The following CACNB2 variants were observed in gnomAD, a reference collection of about 807,000 sequenced individuals.
The protein encoded by CACNB2 is calcium voltage-gated channel auxiliary subunit beta 2.
Under a neutral mutation model 73.3 loss-of-function variants are expected in CACNB2, and 42 were observed. That is an observed-to-expected ratio of 0.57 (90% CI 0.45 to 0.74). The LOEUF is 0.74. Ranked by LOEUF, CACNB2 falls within the 30% of genes least tolerant of loss-of-function variation. The pLI, the probability that CACNB2 is intolerant of heterozygous loss-of-function variation, is 0.00. For synonymous variants in CACNB2, 348 were observed against 310.3 expected (o/e 1.12, Z -1.28); for missense variants, 940 against 853.0 (o/e 1.10, Z -1.27).
At chr10:18,454,711 C>G (rs549900075) in intron 3 of CACNB2, among the ~76,000 whole-genome samples, 44 of 152,300 alleles carry the variant, frequency 2.9e-4, no homozygotes, top group African/African-American at 8.9e-4. Context: ...AATTTTCTTT[C>G]CAATGGAGGA....
chr10:18,499,076 A>G (rs1350218078), intron 4 of CACNB2, among the ~76,000 whole-genome samples: 3 of 152,076 alleles, frequency 2.0e-5, no homozygotes, highest in Non-Finnish European at 4.4e-5. Flanking sequence ...TTTCATCCTT[A>G]ATTAAGGTTT....
chr10:18,207,852 T>G (rs1564344013), intron 2 of CACNB2, among the ~76,000 whole-genome samples: 1 of 152,146 alleles, frequency 6.6e-6, no homozygotes. Context: ...ATTTAAAAAA[T>G]AGTTTACAAA....
chr10:18,234,137 T>C (rs985279786), intron 2 of CACNB2: 3 of 152,298 alleles, frequency 2.0e-5, no homozygotes, highest in African/African-American at 7.2e-5. Context: ...GTTCTCTCAC[T>C]AGGGGAGACA....
At chr10:18,245,733 C>T (rs1030984872) in intron 2 of CACNB2, among the ~76,000 whole-genome samples, 1 of 152,030 alleles carries the variant, frequency 6.6e-6, no homozygotes, top group African/African-American at 2.4e-5. Flanking sequence ...ACGAGAAGGT[C>T]AGCAGTCACT....
chr10:18,310,742 G>T (rs2039934256), intron 2 of CACNB2, among the ~76,000 whole-genome samples: 1 of 151,198 alleles, frequency 6.6e-6, no homozygotes, highest in African/African-American at 2.4e-5. Flanking sequence ...ACCATGCCTG[G>T]CTAATTTTTT....
At chr10:18,483,817 C>G (rs187992243) in intron 3 of CACNB2, among the ~76,000 whole-genome samples, 1 of 152,082 alleles carries the variant, frequency 6.6e-6, no homozygotes, top group Non-Finnish European at 1.5e-5. Flanking sequence ...TAAATAAGTA[C>G]AGAATAGACA....
At chr10:18,192,115 C>T (rs16916944) in intron 2 of CACNB2, among the ~76,000 whole-genome samples, 18,178 of 151,554 alleles carry the variant, frequency 0.12, 1,151 homozygotes, top group South Asian at 0.14. Flanking sequence ...CCTCTGATCT[C>T]CAGCAAATGC....
intron 2 of CACNB2, among the ~76,000 whole-genome samples, chr10:18,185,626 T>C (rs773968385): frequency 3.3e-5 from 5 of 152,190 alleles, no homozygotes; most frequent in Non-Finnish European, 5.9e-5. Context: ...AGCTTGCATT[T>C]GGAAAACAGA....
intron 2 of CACNB2, among the ~76,000 whole-genome samples, chr10:18,308,820 A>G (rs1035342755): frequency 1.3e-5 from 2 of 152,322 alleles, no homozygotes; most frequent in Non-Finnish European, 2.9e-5. Flanking sequence ...TGACTTGACA[A>G]CTTTTTTGGG....
In CACNB2 at chr10:18,509,145, C is replaced by T. The variant is rs911820680; in HGVS notation, c.670+2598C>T. Among the ~76,000 whole-genome samples, 7 of 152,236 alleles carry T rather than the reference C, an allele frequency of 4.6e-5. No individual in the cohort carries two copies. In the East Asian group the frequency reaches 9.6e-4, roughly 21 times the overall value. On this transcript the variant is annotated intron_variant, in intron 6 of 13. Transcript: ENST00000324631. ...TGAGACAATTTTTATATCAATAGCT[C>T]AACTGATTTAAAGGAAAACTTCAGA...
At chr10:18,413,652 G>T (rs563744922) in intron 3 of CACNB2, among the ~76,000 whole-genome samples, 1 of 152,168 alleles carries the variant, frequency 6.6e-6, no homozygotes, top group African/African-American at 2.4e-5. Flanking sequence ...CAGGGGCAGG[G>T]GTCATGCATT....
intron 6 of CACNB2, among the ~76,000 whole-genome samples, chr10:18,512,931 C>T (rs1047951563): frequency 1.3e-5 from 2 of 152,226 alleles, no homozygotes; most frequent in South Asian, 2.1e-4. Context: ...GGCGTTGTCA[C>T]GGAGAAGAAC....
intron 2 of CACNB2, among the ~76,000 whole-genome samples, chr10:18,324,114 T>A (rs1564436416): frequency 6.6e-6 from 1 of 152,224 alleles, no homozygotes; most frequent in African/African-American, 2.4e-5. Flanking sequence ...ATTTAAAAAA[T>A]CATTCATTCA....
chr10:18,150,810 T>A, intron 1 of CACNB2, 73 bp from the exon 2 acceptor site: 1 of 953,450 alleles, frequency 1.0e-6, no homozygotes, highest in Non-Finnish European at 1.6e-6. Context: ...TTTCTGCAAC[T>A]AGGCCTACAT....
intron 7 of CACNB2, among the ~76,000 whole-genome samples, chr10:18,517,398 C>G (rs1341900860): frequency 6.6e-6 from 1 of 152,072 alleles, no homozygotes; most frequent in Non-Finnish European, 1.5e-5. Context: ...GTTATTTTAC[C>G]ATTTTATTTG....
chr10:18,496,416 C>G (rs549830054), intron 3 of CACNB2, among the ~76,000 whole-genome samples: 1 of 152,316 alleles, frequency 6.6e-6, no homozygotes, highest in South Asian at 2.1e-4. Flanking sequence ...TGGGTTCTCT[C>G]TACTCCAACT....
At position 18,284,778 on chromosome 10, in the gene CACNB2, T is replaced by C. The variant is rs1383310260; in HGVS notation, c.214-117146T>C. On this transcript the variant is annotated intron_variant, in intron 2 of 13. Coordinates refer to ENST00000324631, the MANE Select transcript of CACNB2 (RefSeq NM_201596.3). ...GTGTATGAGGCAGTATGCTTGGTCC[T>C]AGAAATGTGAAGGGTATAAAAACAA... Among the ~76,000 whole-genome samples the C allele has an allele frequency of 2.6e-5, 4 of 152,036 alleles. No homozygotes were observed. In the East Asian group the frequency reaches 7.7e-4, roughly 29 times the overall value.
chr10:18,337,280 C>A (rs754686017), intron 2 of CACNB2, among the ~76,000 whole-genome samples: 1 of 152,152 alleles, frequency 6.6e-6, no homozygotes, highest in African/African-American at 2.4e-5. Flanking sequence ...CGGACATGCA[C>A]CACTATGCCT....
chr10:18,500,603 C>G (rs1424160137), intron 4 of CACNB2, among the ~76,000 whole-genome samples: 1 of 152,148 alleles, frequency 6.6e-6, no homozygotes, highest in Non-Finnish European at 1.5e-5. Context: ...CCAGGACAGA[C>G]AAGGAACGCA....
Sources: gnomAD v4.1 joint callset for allele counts (sites outside exome capture counted in the v4.1 genomes callset) on GRCh38, gnomAD v4.1.1 for gene constraint, MANE v1.5 for transcripts, NCBI Gene and HGNC (gene_info 2026-07-23, HGNC 2026-07-21) for gene names.